The following NETO1 variants were observed in gnomAD, a reference collection of about 807,000 sequenced individuals.
NETO1 encodes neuropilin and tolloid like 1.
A neutral mutation model predicts 61.3 loss-of-function variants in NETO1; 26 were observed. The ratio of observed to expected loss-of-function variants is 0.42; its 90% CI spans 0.31 to 0.59. The LOEUF is 0.59. NETO1 is among the 20% of genes least tolerant of loss of function. The probability of loss-of-function intolerance (pLI) is 0.12; values close to 1 mark genes in which losing one functional copy is unlikely to be tolerated. For missense variants in NETO1, 531 were observed against 662.8 expected (o/e 0.80, Z 2.18); for synonymous variants, 225 against 225.8 (o/e 1.00, Z 0.03).
chr18:72,838,672 G>A (rs1220559369), intron 4 of NETO1, among the ~76,000 whole-genome samples: 1 of 152,162 alleles, frequency 6.6e-6, no homozygotes. Context: ...CACTGTTCCA[G>A]TGCATCTTGG....
chr18:72,809,438 A>C (rs76687662), intron 4 of NETO1, among the ~76,000 whole-genome samples: 2 of 152,310 alleles, frequency 1.3e-5, no homozygotes, highest in African/African-American at 4.8e-5. Flanking sequence ...CCTCGCTTCT[A>C]AGAGACTGGG....
intron 4 of NETO1, among the ~76,000 whole-genome samples, chr18:72,814,486 T>G (rs1326234422): frequency 6.6e-6 from 1 of 151,182 alleles, no homozygotes; most frequent in Non-Finnish European, 1.5e-5. Flanking sequence ...AAAAAAGAAA[T>G]AAAACAAAGG....
Position 72,744,330 on chromosome 18 carries a change from T to C in NETO1, c.*3849A>G, listed in dbSNP as rs2070386714. The C allele has an allele frequency of 6.6e-6, 1 of 152,202 alleles. No individual in the cohort carries two copies. Among genetic ancestry groups the C allele is most frequent in the Admixed American group, 6.5e-5 (1 of 15,282 alleles). The allele number at this position is 152,202 out of a possible 1,614,324, so 9.4% of individuals were successfully genotyped here. On this transcript the variant is annotated 3_prime_UTR_variant, in exon 11 of 11. Transcript: ENST00000327305. ...TTGTAAATTAACAAAGGGCCTCAGA[T>C]TTATTTAGCAGGATTATTTATAAAA...
rs1288095211 is a variant in NETO1 at position 72,867,793 on chromosome 18, CCGG to C, written c.-505_-503del. The C allele has an allele frequency of 7.0e-5, 11 of 156,252 alleles. No homozygotes were observed. Among genetic ancestry groups the C allele is most frequent in the Non-Finnish European group, 1.1e-4 (8 of 73,500 alleles). 9.7% of individuals were successfully genotyped at this position (156,252 alleles called of 1,614,324 possible). A position where few individuals can be genotyped will look rare whatever the true frequency, so the allele number is the denominator to read the frequency against. ...GACGGAGCGGGCGGCGGCGGCGGCGCCGGCGGCGGCGGGGTGGCTCAGTCCCCA... is the reference window on the plus strand; with the variant it reads ...GACGGAGCGGGCGGCGGCGGCGGCGCCGGCGGCGGGGTGGCTCAGTCCCCA... On this transcript the variant is annotated 5_prime_UTR_variant, in exon 1 of 11. Coordinates refer to ENST00000327305, the MANE Select transcript of NETO1 (RefSeq NM_138966.5).
chr18:72,788,918 A>C (rs1264732002), intron 6 of NETO1, among the ~76,000 whole-genome samples: 1 of 152,140 alleles, frequency 6.6e-6, no homozygotes, highest in Non-Finnish European at 1.5e-5. Flanking sequence ...TATTTGAGGC[A>C]ATTATTTACC....
intron 4 of NETO1, among the ~76,000 whole-genome samples, chr18:72,833,158 A>G (rs2073635219): frequency 6.6e-6 from 1 of 152,168 alleles, no homozygotes; most frequent in Non-Finnish European, 1.5e-5. Flanking sequence ...GAACTGGAGG[A>G]AACTTTGACG....
chr18:72,827,665 G>C (rs2073424438), intron 4 of NETO1, among the ~76,000 whole-genome samples: 1 of 150,672 alleles, frequency 6.6e-6, no homozygotes. Context: ...GCAGTGAGCT[G>C]GGATCATGCC....
Position 72,835,278 on chromosome 18 carries a change from C to T in NETO1, c.469+23548G>A, listed in dbSNP as rs757059959. The T allele has an allele frequency of 7.6e-6, 12 of 1,577,682 alleles. No homozygotes were observed. In the African/African-American group the frequency reaches 1.1e-4, roughly 14 times the overall value. Reference sequence around the variant, plus strand: ...TGAGATGATGGAGAAGGAGAGATCACGAAACACTCTGTAGATCCTGCTAAG... The same window carrying T: ...TGAGATGATGGAGAAGGAGAGATCATGAAACACTCTGTAGATCCTGCTAAG... On this transcript the variant is annotated intron_variant, in intron 4 of 10. Coordinates refer to ENST00000327305, the MANE Select transcript of NETO1 (RefSeq NM_138966.5).
chr18:72,858,768 C>T, intron 4 of NETO1, 58 bp downstream of exon 4: 1 of 1,476,496 alleles, frequency 6.8e-7, no homozygotes, highest in Non-Finnish European at 9.1e-7. Flanking sequence ...AGATTTTGTA[C>T]TATGAAGATA....
rs1030016589 is a variant in NETO1, at chr18:72,834,649, T to G, written c.469+24177A>C. The G allele has an allele frequency of 4.1e-6, 4 of 984,400 alleles. No homozygotes were observed. In the South Asian group the frequency reaches 1.9e-4, roughly 46 times the overall value. 61.0% of individuals were successfully genotyped at this position (984,400 alleles called of 1,614,324 possible). A position where few individuals can be genotyped will look rare whatever the true frequency, so the allele number is the denominator to read the frequency against. ...TGTTTATAATTACTTAATTCATTTA[T>G]GTATTTTTAGTTCTTCAGTCATCTT... On this transcript the variant is annotated intron_variant, in intron 4 of 10. Transcript: ENST00000327305.
chr18:72,863,681 G>A (rs1052360978), intron 3 of NETO1, among the ~76,000 whole-genome samples: 1 of 152,120 alleles, frequency 6.6e-6, no homozygotes, highest in Admixed American at 6.5e-5. Flanking sequence ...TTTCTAAATA[G>A]AGAGTCTTAA....
intron 7 of NETO1, among the ~76,000 whole-genome samples, chr18:72,780,632 C>T (rs2071704538): frequency 2.0e-5 from 3 of 152,090 alleles, no homozygotes. Context: ...TATTTTATAT[C>T]CTTCATAGGC....
At chr18:72,831,303 C>T (rs577329532) in intron 4 of NETO1, among the ~76,000 whole-genome samples, 1 of 152,306 alleles carries the variant, frequency 6.6e-6, no homozygotes, top group Non-Finnish European at 1.5e-5. Context: ...GAAGCCACAA[C>T]AATGAATGAA....
At chr18:72,809,494 C>T (rs8089921) in intron 4 of NETO1, among the ~76,000 whole-genome samples, 51,923 of 151,942 alleles carry the variant, frequency 0.34, 10,858 homozygotes, top group Non-Finnish European at 0.45. Context: ...AGTATTTGCA[C>T]GTATCAACTA....
At chr18:72,798,762 G>A (rs1384211558) in intron 4 of NETO1, among the ~76,000 whole-genome samples, 1 of 152,184 alleles carries the variant, frequency 6.6e-6, no homozygotes. Context: ...TGATGAGACA[G>A]CAGAAGACCC....
At chr18:72,860,850 A>G (rs1217911886) in intron 3 of NETO1, among the ~76,000 whole-genome samples, 2 of 152,278 alleles carry the variant, frequency 1.3e-5, no homozygotes, top group African/African-American at 2.4e-5. Flanking sequence ...AGTTAGACCC[A>G]TTTATGTATC....
rs1599070470 is a variant in NETO1, at chr18:72,745,789, A to G, written c.*2390T>C. ...TGCACTCCCAAGTTTGAGCATCTAG[A>G]GTGAATGCCAGGAGAAAAGGCTACC... On this transcript the variant is annotated 3_prime_UTR_variant, in exon 11 of 11. Transcript: ENST00000327305. 1 of 152,206 alleles carries G rather than the reference A, an allele frequency of 6.6e-6. No homozygotes were observed. Among genetic ancestry groups the G allele is most frequent in the Non-Finnish European group, 1.5e-5 (1 of 68,050 alleles). The allele number at this position is 152,206 out of a possible 1,614,324, so 9.4% of individuals were successfully genotyped here.
intron 4 of NETO1, among the ~76,000 whole-genome samples, chr18:72,802,834 G>C (rs2072552817): frequency 6.6e-6 from 1 of 152,202 alleles, no homozygotes; most frequent in Non-Finnish European, 1.5e-5. Flanking sequence ...ACATCATCAT[G>C]ATGAAGCATT....
At chr18:72,834,860 A>T in intron 4 of NETO1, 1 of 943,390 alleles carries the variant, frequency 1.1e-6, no homozygotes, top group Non-Finnish European at 1.3e-6. Flanking sequence ...TAATAAAAAG[A>T]TTGTAATACA....
Sources: allele counts gnomAD v4.1 joint callset (sites outside exome capture counted in the v4.1 genomes callset), GRCh38; gene constraint gnomAD v4.1.1; transcripts MANE v1.5; gene names NCBI Gene and HGNC (gene_info 2026-07-23, HGNC 2026-07-21).